Variants in CAPZA1 observed in about 807,000 individuals in gnomAD.
The protein encoded by CAPZA1 is capping actin protein of muscle Z-line subunit alpha 1, also known as F-actin-capping protein subunit alpha-1.
Under a neutral mutation model 40.8 loss-of-function variants are expected in CAPZA1, and 10 were observed. The ratio of observed to expected loss-of-function variants is 0.25; its 90% CI spans 0.15 to 0.42. The LOEUF is 0.42. CAPZA1 is among the 10% of genes least tolerant of loss of function. CAPZA1 has a pLI of 1.00. For missense variants in CAPZA1, 277 were observed against 353.8 expected (o/e 0.78, Z 1.74); for synonymous variants, 98 against 115.0 (o/e 0.85, Z 0.95).
Position 112,650,699 on chromosome 1 carries a change from T to C in CAPZA1, c.155+1230T>C, listed in dbSNP as rs569404746. On this transcript the variant is annotated intron_variant, in intron 3 of 9. Coordinates refer to ENST00000263168, the MANE Select transcript of CAPZA1 (RefSeq NM_006135.3). The stretch of plus-strand genomic sequence containing the variant: ...CCTTGAGAACTACCCACAGTAAATA[T>C]GCTCTGTACGTCACTTGATAAGCTG... Among the ~76,000 whole-genome samples, 33 of 152,358 alleles carry C rather than the reference T, an allele frequency of 2.2e-4. No individual in the cohort carries two copies. The East Asian group carries it at 5.6e-3, about 26-fold the overall frequency.
chr1:112,647,036 T>C (rs1461263805), intron 1 of CAPZA1, among the ~76,000 whole-genome samples, 174 bp from the exon 2 acceptor site: 1 of 152,220 alleles, frequency 6.6e-6, no homozygotes, highest in Non-Finnish European at 1.5e-5. Context: ...ATATTGATAG[T>C]AACAGCTTTG....
intron 1 of CAPZA1, among the ~76,000 whole-genome samples, chr1:112,637,986 G>A (rs1671055261): frequency 6.6e-6 from 1 of 152,136 alleles, no homozygotes; most frequent in Non-Finnish European, 1.5e-5. Context: ...TATGATCTTG[G>A]ACTTTGGGGG....
chr1:112,635,077 C>G (rs1485712560), intron 1 of CAPZA1, among the ~76,000 whole-genome samples: 1 of 152,118 alleles, frequency 6.6e-6, no homozygotes, highest in Admixed American at 6.6e-5. Flanking sequence ...CCCAAAAAAA[C>G]TTGAGTCTTT....
intron 7 of CAPZA1, among the ~76,000 whole-genome samples, chr1:112,660,792 T>C (rs1448963288): frequency 6.6e-6 from 1 of 151,914 alleles, no homozygotes; most frequent in Non-Finnish European, 1.5e-5. Flanking sequence ...CGTACCTGTA[T>C]TATATTATGT....
chr1:112,639,885 C>T (rs1161388655), intron 1 of CAPZA1, among the ~76,000 whole-genome samples: 8 of 133,860 alleles, frequency 6.0e-5, no homozygotes, highest in East Asian at 5.1e-4. Context: ...GCCCCCCACC[C>T]GGCCAGCCGC....
chr1:112,644,173 T>C (rs1350733417), intron 1 of CAPZA1, among the ~76,000 whole-genome samples: 1 of 129,220 alleles, frequency 7.7e-6, no homozygotes, highest in Non-Finnish European at 1.6e-5. Context: ...TTTCTAATTC[T>C]CTTCTCCCAG....
At chr1:112,659,263 T>G (rs1242947507) in intron 6 of CAPZA1, 162 bp downstream of exon 6, 1 of 597,450 alleles carries the variant, frequency 1.7e-6, no homozygotes, top group East Asian at 2.8e-5. Flanking sequence ...GGTTTTATAA[T>G]TATATTTTCC....
intron 7 of CAPZA1, among the ~76,000 whole-genome samples, chr1:112,662,468 G>A (rs372849325): frequency 2.2e-5 from 3 of 135,164 alleles, no homozygotes; most frequent in East Asian, 2.2e-4. Context: ...GCAGGATCTC[G>A]GCTCACTGCA....
chr1:112,629,512 TA>T (rs1453393548), intron 1 of CAPZA1, among the ~76,000 whole-genome samples: 5 of 152,246 alleles, frequency 3.3e-5, no homozygotes, highest in African/African-American at 7.2e-5. Flanking sequence ...GGTCTTCTGA[TA>T]TTTGTTGAAT....
intron 1 of CAPZA1, among the ~76,000 whole-genome samples, chr1:112,621,404 A>C (rs1670659027): frequency 6.6e-6 from 1 of 151,776 alleles, no homozygotes; most frequent in East Asian, 1.9e-4. Context: ...GGCACCCGCC[A>C]CCAAGTCCAG....
At chr1:112,626,571 A>T (rs1392208812) in intron 1 of CAPZA1, among the ~76,000 whole-genome samples, 2 of 152,170 alleles carry the variant, frequency 1.3e-5, no homozygotes, top group African/African-American at 4.8e-5. Flanking sequence ...AATTCTATGC[A>T]TATACAGACA....
intron 1 of CAPZA1, among the ~76,000 whole-genome samples, chr1:112,623,690 A>AT (rs1189036022): frequency 6.6e-6 from 1 of 150,674 alleles, no homozygotes; most frequent in African/African-American, 2.4e-5. Context: ...TCAAAAAAAA[A>AT]AAAAAAGAAA....
intron 1 of CAPZA1, chr1:112,634,859 G>A (rs1670985969): frequency 1.3e-5 from 2 of 152,128 alleles, no homozygotes; most frequent in South Asian, 4.1e-4. Flanking sequence ...TTAAGTGACT[G>A]AAATTCAAAA....
intron 3 of CAPZA1, among the ~76,000 whole-genome samples, chr1:112,651,027 G>A (rs1381010366): frequency 6.6e-6 from 1 of 152,166 alleles, no homozygotes; most frequent in African/African-American, 2.4e-5. Context: ...TTTTATTTCT[G>A]TATTAAAGCA....
intron 7 of CAPZA1, among the ~76,000 whole-genome samples, chr1:112,664,760 C>A (rs1671691184): frequency 1.3e-5 from 2 of 152,090 alleles, no homozygotes; most frequent in African/African-American, 4.8e-5. Flanking sequence ...CATGGTGAAA[C>A]CTCGTCTCTA....
intron 1 of CAPZA1, among the ~76,000 whole-genome samples, chr1:112,646,241 G>A (rs1231865998): frequency 6.6e-6 from 1 of 152,130 alleles, no homozygotes; most frequent in East Asian, 1.9e-4. Flanking sequence ...TAATACAGTG[G>A]TGAATAGTAG....
At chr1:112,668,005 G>T (rs747294568) in intron 8 of CAPZA1, among the ~76,000 whole-genome samples, 2 of 152,000 alleles carry the variant, frequency 1.3e-5, no homozygotes, top group Non-Finnish European at 2.9e-5. Flanking sequence ...AGAAGTGTGG[G>T]CCGGGAGTGG....
chr1:112,638,965 T>TAGAG (rs974092093), intron 1 of CAPZA1, among the ~76,000 whole-genome samples: 1 of 148,726 alleles, frequency 6.7e-6, no homozygotes, highest in South Asian at 2.1e-4. Context: ...GAGATATATA[T>TAGAG]AGAGAGAGAA....
At chr1:112,620,172 T>A in intron 1 of CAPZA1, 1 of 332,976 alleles carries the variant, frequency 3.0e-6, no homozygotes, top group Admixed American at 4.8e-5. Context: ...GACTGTGGAC[T>A]TTTTTCTGTA....
Sources: gnomAD v4.1 joint callset for allele counts (sites outside exome capture counted in the v4.1 genomes callset) on GRCh38, gnomAD v4.1.1 for gene constraint, MANE v1.5 for transcripts, NCBI Gene and HGNC (gene_info 2026-07-23, HGNC 2026-07-21) for gene names.